Variants in LAD1 observed in about 807,000 individuals in gnomAD.
LAD1 encodes ladinin 1, also known as ladinin-1.
Under a neutral mutation model 54.2 loss-of-function variants are expected in LAD1, and 53 were observed. That is an observed-to-expected ratio of 0.98 (90% CI 0.78 to 1.23). The LOEUF (loss-of-function observed/expected upper bound fraction) is 1.23, where lower values mean the gene tolerates loss of function less well. Among genes scored for constraint, LAD1 ranks in the 50% most tolerant of loss-of-function variants. LAD1 has a pLI of 0.00. For synonymous variants in LAD1, 231 were observed against 257.7 expected, an observed-to-expected ratio of 0.90 and a Z score of 0.99; for missense variants, 637 against 653.3, an observed-to-expected ratio of 0.98 and a Z score of 0.27.
rs188136409 is a variant in LAD1, at chr1:201,390,251, A to C, written c.39-948T>G. ...ACTTTTTTAATGTGACTACTCAAAA[A>C]CTTAACATTTTAGGCCGGGCGCGGT... On this transcript the variant is annotated intron_variant, in intron 1 of 9. Transcript: ENST00000391967. 1.5e-3 allele frequency among the ~76,000 whole-genome samples: 234 copies of C among 151,462 alleles called. 1 individual carries two copies. Among genetic ancestry groups the C allele is most frequent in the African/African-American group, 5.4e-3 (222 of 41,304 alleles).
intron 2 of LAD1, among the ~76,000 whole-genome samples, chr1:201,387,403 G>A (rs1662114438): frequency 6.6e-6 from 1 of 152,170 alleles, no homozygotes; most frequent in Admixed American, 6.5e-5. Flanking sequence ...AAATTCCTAT[G>A]AAGTCCAACG....
chr1:201,399,182 G>A lies in LAD1; in HGVS notation c.38+87C>T. 5 of 1,112,396 alleles carry A rather than the reference G, an allele frequency of 4.5e-6. No homozygotes were observed. In the South Asian group the frequency reaches 5.3e-5, roughly 12 times the overall value. The allele number at this position is 1,112,396 out of a possible 1,614,324, so 68.9% of individuals were successfully genotyped here. ...TCCAGCCTCAGTGTCAGGGTCCCAG[G>A]CGGGGAGGAGGCCGGTGCCCCGAGG... On this transcript the variant is annotated intron_variant, in intron 1 of 9. Coordinates refer to ENST00000391967, the MANE Select transcript of LAD1 (RefSeq NM_005558.4).
At chr1:201,384,699 G>C (rs10920189) in intron 5 of LAD1, 93 bp downstream of exon 5, 760,177 of 1,322,730 alleles carry the variant, frequency 0.57, 222,382 homozygotes, top group Admixed American at 0.67. Context: ...GTGCCCTACC[G>C]CACAGCCTGG....
At position 201,389,170 on chromosome 1, in the gene LAD1, CAG is replaced by C. The variant is rs746620052; in HGVS notation, c.170_171del (p.Ser57CysfsTer3). The stretch of plus-strand genomic sequence containing the variant: ...AACCTGAGCACCTACCTCTCAGAAG[CAG>C]AGGCCTGCCGGTCTCCATTCTGGCT... ...RLSQNGDRQA[S>X]ASERLPSVEE... On this transcript the variant is annotated frameshift_variant, in exon 2 of 10. Transcript: ENST00000391967. LOFTEE classifies it high-confidence loss of function. 8.1e-6 allele frequency: 13 copies of C among 1,613,958 alleles called. No homozygotes were observed. The highest frequency in any genetic ancestry group is 1.0e-5 in the Non-Finnish European group (12 of 1,179,936).
chr1:201,382,104 C>G, intron 9 of LAD1, 148 bp downstream of exon 9: 1 of 856,876 alleles, frequency 1.2e-6, no homozygotes, highest in Non-Finnish European at 1.9e-6. Flanking sequence ...ACGGTTGGCT[C>G]AGACCAATCT....
intron 1 of LAD1, among the ~76,000 whole-genome samples, chr1:201,389,720 G>T (rs1662165094): frequency 6.6e-6 from 1 of 151,824 alleles, no homozygotes. Flanking sequence ...TACTGAGGAG[G>T]TTGAGGCACG....
Position 201,385,357 on chromosome 1 carries a change from C to A in LAD1, c.1131+344G>T, listed in dbSNP as rs372072576. Among the ~76,000 whole-genome samples, 528 of 152,326 alleles carry A rather than the reference C, an allele frequency of 3.5e-3. 11 individuals carry two copies. Among genetic ancestry groups the A allele is most frequent in the Middle Eastern group, 0.034 (10 of 294 alleles). ...CCTTGCTGCTCTCTGTTCCTCCCCT[C>A]CCCTCCTAGACAAGTCTCCTAGGTG... On this transcript the variant is annotated intron_variant, in intron 4 of 9. Transcript: ENST00000391967.
chr1:201,382,379 G>C, intron 8 of LAD1, 53 bp from the exon 9 acceptor site: 1 of 1,411,610 alleles, frequency 7.1e-7, no homozygotes, highest in Non-Finnish European at 1.0e-6. Flanking sequence ...GCTCCAAAGG[G>C]CTCGGGATAC....
At chr1:201,392,325 C>T (rs930554737) in intron 1 of LAD1, among the ~76,000 whole-genome samples, 5 of 152,238 alleles carry the variant, frequency 3.3e-5, no homozygotes, top group Non-Finnish European at 7.3e-5. Context: ...ATGAGACCAA[C>T]AGGGTCTTCC....
chr1:201,385,466 C>T (rs1420301044), intron 4 of LAD1, among the ~76,000 whole-genome samples: 1 of 152,210 alleles, frequency 6.6e-6, no homozygotes, highest in Non-Finnish European at 1.5e-5. Context: ...GCAGCCCTGG[C>T]CTTGCCCACT....
At chr1:201,389,951 G>T (rs570362943) in intron 1 of LAD1, among the ~76,000 whole-genome samples, 1 of 152,048 alleles carries the variant, frequency 6.6e-6, no homozygotes, top group South Asian at 2.1e-4. Context: ...ACAGGATCTC[G>T]CTGTGTTGCT....
chr1:201,382,212 G>A (rs760612302), intron 9 of LAD1, 40 bp downstream of exon 9: 3 of 1,522,656 alleles, frequency 2.0e-6, no homozygotes, highest in Non-Finnish European at 2.7e-6. Flanking sequence ...AGTACACCGT[G>A]GCCCTCCGCC....
Position 201,386,454 on chromosome 1 carries a change from C to A in LAD1, c.907G>T (p.Ala303Ser). Residue 303 changes from alanine to serine, a missense_variant, in exon 3 of 10, where the codon GCC becomes TCC. Coordinates refer to ENST00000391967, the MANE Select transcript of LAD1 (RefSeq NM_005558.4). ...QEPPASGGSP[A>S]TTKEQRGRAL... The stretch of plus-strand genomic sequence containing the variant: ...CTTCCTCTCTGCTCCTTGGTGGTGG[C>A]TGGGCTTCCCCCAGAGGCTGGCGGC... 6.5e-7 allele frequency: 1 copy of A among 1,545,172 alleles called. No individual in the cohort carries two copies. The highest frequency in any genetic ancestry group is 8.7e-7 in the Non-Finnish European group (1 of 1,152,286).
At position 201,386,708 on chromosome 1, in the gene LAD1, ATCTTCTCTGATAGAGATG is replaced by A. The variant is rs1662096712; in HGVS notation, c.635_652del (p.Thr212_Lys217del). 2.5e-6 allele frequency: 4 copies of A among 1,614,062 alleles called. No individual in the cohort carries two copies. The highest frequency in any genetic ancestry group is 2.7e-5 in the African/African-American group (2 of 74,910). On this transcript the variant is annotated inframe_deletion, in exon 3 of 10. Transcript: ENST00000391967. ...GCTGTTTCTTTTCTCTGACACTGCT[ATCTTCTCTGATAGAGATG>A]TCTTCTCTGAGGCCAGCACCTTCTC... is the stretch of plus-strand genomic sequence containing the variant.
chr1:201,384,741 A>G (rs1389531442), intron 5 of LAD1, 51 bp downstream of exon 5: 1 of 1,597,784 alleles, frequency 6.3e-7, no homozygotes, highest in East Asian at 2.2e-5. Flanking sequence ...TACTCAGAAA[A>G]TAGCCTGAAC....
rs1186170589 is a variant in LAD1, at chr1:201,399,273, A to G, written c.34T>C (p.Ser12Pro). 1 of 1,550,798 alleles carries G rather than the reference A, an allele frequency of 6.4e-7. No individual in the cohort carries two copies. The highest frequency in any genetic ancestry group is 2.4e-5 in the East Asian group (1 of 42,124). Residue 12 changes from serine (S) to proline (P), a missense_variant, in exon 1 of 10, where the codon TCC becomes CCC. Physicochemically the swap from Ser to Pro is moderately conservative, Grantham distance 74. Coordinates refer to ENST00000391967, the MANE Select transcript of LAD1 (RefSeq NM_005558.4). ...AVSRKDWSALSSLARQRTLED... is the reference protein window; with the variant it reads ...AVSRKDWSALPSLARQRTLED... ...CCGGCTCCCTCCGGCGCTCACCTGG[A>G]CAGCGCGGACCAGTCCTTCCTGCTG...
At chr1:201,398,991 C>T (rs1013951422) in intron 1 of LAD1, among the ~76,000 whole-genome samples, 15 of 152,212 alleles carry the variant, frequency 9.9e-5, no homozygotes, top group South Asian at 2.1e-4. Context: ...TTCCACCTTC[C>T]ACAGGGGGGG....
At chr1:201,393,162 T>C (rs1381347018) in intron 1 of LAD1, among the ~76,000 whole-genome samples, 1 of 152,132 alleles carries the variant, frequency 6.6e-6, no homozygotes, top group African/African-American at 2.4e-5. Flanking sequence ...GCTTCTGGCT[T>C]GTTCCAAAGG....
intron 2 of LAD1, among the ~76,000 whole-genome samples, chr1:201,388,907 G>T (rs1055032142): frequency 6.6e-6 from 1 of 152,186 alleles, no homozygotes; most frequent in African/African-American, 2.4e-5. Flanking sequence ...TGTGGATTAC[G>T]TGAGCTATGG....
Sources: gnomAD v4.1 joint callset for allele counts (sites outside exome capture counted in the v4.1 genomes callset) on GRCh38, gnomAD v4.1.1 for gene constraint, MANE v1.5 for transcripts, NCBI Gene and HGNC (gene_info 2026-07-23, HGNC 2026-07-21) for gene names.